The following SPTA1 variants were observed in gnomAD, a reference collection of about 807,000 sequenced individuals.
SPTA1 encodes spectrin alpha chain, erythrocytic 1.
A neutral mutation model predicts 324.7 loss-of-function variants in SPTA1; 177 were observed. The observed-to-expected ratio is 0.55, with a 90% confidence interval of 0.48 to 0.62. The LOEUF (loss-of-function observed/expected upper bound fraction) is 0.62. SPTA1 is among the 20% of genes least tolerant of loss of function. The pLI, the probability that SPTA1 is intolerant of heterozygous loss-of-function variation, is 0.00. For missense variants in SPTA1, 3,162 were observed against 2,883.6 expected, an observed-to-expected ratio of 1.10 and a Z score of -2.21; for synonymous variants, 1,195 against 1,041.3, an observed-to-expected ratio of 1.15 and a Z score of -2.84.
chr1:158,686,706 T>C lies in SPTA1; in HGVS notation c.-189A>G. 1.9e-6 allele frequency: 1 copy of C among 532,144 alleles called. No homozygotes were observed. Among genetic ancestry groups the C allele is most frequent in the Non-Finnish European group, 3.4e-6 (1 of 298,042 alleles). The allele number at this position is 532,144 out of a possible 1,614,324, so 33.0% of individuals were successfully genotyped here. A position where few individuals can be genotyped will look rare whatever the true frequency, so the allele number is the denominator to read the frequency against. On this transcript the variant is annotated 5_prime_UTR_variant, in exon 1 of 52. Coordinates refer to ENST00000643759, the MANE Select transcript of SPTA1 (RefSeq NM_003126.4). ...AGCCATACACAATCGACATTATCTT[T>C]AGAAGACATACTCAGCTGAGGCAAC...
At chr1:158,622,876 A>G (rs1428258424) in intron 43 of SPTA1, 107 bp downstream of exon 43, 2 of 1,031,434 alleles carry the variant, frequency 1.9e-6, no homozygotes, top group Non-Finnish European at 3.1e-6. Flanking sequence ...TCAATGCAAT[A>G]AAAGGTTTTT....
intron 39 of SPTA1, among the ~76,000 whole-genome samples, chr1:158,633,916 TC>T (rs2101800694): frequency 6.6e-6 from 1 of 152,322 alleles, no homozygotes; most frequent in African/African-American, 2.4e-5. Flanking sequence ...TACAAAGAGT[TC>T]TTGGTAAATT....
At chr1:158,653,224 GA>G in intron 22 of SPTA1, 49 bp downstream of exon 22, 1 of 1,613,368 alleles carries the variant, frequency 6.2e-7, no homozygotes, top group African/African-American at 1.3e-5. Flanking sequence ...TGCCTTTGGC[GA>G]AAAATGTCTG....
intron 5 of SPTA1, among the ~76,000 whole-genome samples, chr1:158,679,736 T>A (rs1654661153): frequency 6.6e-6 from 1 of 152,118 alleles, no homozygotes; most frequent in Non-Finnish European, 1.5e-5. Flanking sequence ...CACAGAGTCA[T>A]TAACAAGTAA....
At chr1:158,668,159 G>A (rs1394490714) in intron 14 of SPTA1, 97 bp from the exon 15 acceptor site, 8 of 1,314,804 alleles carry the variant, frequency 6.1e-6, no homozygotes, top group Admixed American at 5.6e-5. Context: ...TAAATCTAAC[G>A]AACGATGCTA....
At position 158,632,009 on chromosome 1, in the gene SPTA1, C is replaced by T. The variant is rs183163941; in HGVS notation, c.5565+2534G>A. On this transcript the variant is annotated intron_variant, in intron 39 of 51. Coordinates refer to ENST00000643759, the MANE Select transcript of SPTA1 (RefSeq NM_003126.4). ...ATTAGCATCCATATGTTCATTGCAG[C>T]ATTATTAACAATAGCCAAGATATGG... Among the ~76,000 whole-genome samples, 249 of 152,206 alleles carry T rather than the reference C, an allele frequency of 1.6e-3. 1 individual carries two copies. Among genetic ancestry groups the T allele is most frequent in the African/African-American group, 5.4e-3 (226 of 41,546 alleles).
intron 17 of SPTA1, 33 bp from the exon 18 acceptor site, chr1:158,661,442 T>C (rs1204590839): frequency 6.2e-7 from 1 of 1,613,462 alleles, no homozygotes; most frequent in Admixed American, 1.7e-5. Context: ...AGTTTCGGAT[T>C]ATCCTGGTGT....
chr1:158,624,681 G>A (rs1650152964), intron 42 of SPTA1, among the ~76,000 whole-genome samples: 2 of 152,192 alleles, frequency 1.3e-5, no homozygotes, highest in South Asian at 4.1e-4. Flanking sequence ...CAGGATTTGA[G>A]GGGCTATAAT....
intron 5 of SPTA1, among the ~76,000 whole-genome samples, 177 bp downstream of exon 5, chr1:158,680,406 G>A (rs879251674): frequency 6.6e-6 from 1 of 152,048 alleles, no homozygotes; most frequent in Non-Finnish European, 1.5e-5. Flanking sequence ...CAATAGACTT[G>A]TAAGGGGTGG....
At chr1:158,673,345 G>A (rs1397615850) in intron 10 of SPTA1, among the ~76,000 whole-genome samples, 2 of 152,166 alleles carry the variant, frequency 1.3e-5, no homozygotes, top group Non-Finnish European at 2.9e-5. Context: ...GATGCAAAGA[G>A]GCATGCGGAT....
intron 39 of SPTA1, among the ~76,000 whole-genome samples, chr1:158,630,284 G>A (rs1650584177): frequency 6.6e-6 from 1 of 151,938 alleles, no homozygotes; most frequent in South Asian, 2.1e-4. Flanking sequence ...GTATGGTACT[G>A]GCATAAAAAC....
chr1:158,635,227 A>C (rs1441631517), intron 38 of SPTA1, among the ~76,000 whole-genome samples: 1 of 152,180 alleles, frequency 6.6e-6, no homozygotes, highest in East Asian at 1.9e-4. Flanking sequence ...TGATTGGATC[A>C]TGGGAGCAGA....
rs376908088 is a variant in SPTA1 at position 158,638,202 on chromosome 1, G to A, written c.5020C>T (p.Leu1674Phe). Reference sequence around the variant, plus strand: ...TCAACGTTGAAAGTCCCGCTGGAGAGCAAATCTTCAGCCAATGTATTCAGG... The same window carrying A: ...TCAACGTTGAAAGTCCCGCTGGAGAACAAATCTTCAGCCAATGTATTCAGG... The part of the protein sequence containing the change: ...KDLNTLAEDL[L>F]SSGTFNVDQI... The change falls in exon 36 of 52, where the codon CTC becomes TTC. Residue 1674 changes from leucine (L) to phenylalanine (F), a missense_variant. Physicochemically the swap from Leu to Phe is conservative, Grantham distance 22 (BLOSUM62 0). Coordinates refer to ENST00000643759, the MANE Select transcript of SPTA1 (RefSeq NM_003126.4). The A allele has an allele frequency of 7.4e-6, 12 of 1,613,444 alleles. No homozygotes were observed. The African/African-American group carries it at 1.5e-4, about 20-fold the overall frequency.
chr1:158,650,124 A>G (rs1434013153), intron 24 of SPTA1, among the ~76,000 whole-genome samples, 177 bp from the exon 25 acceptor site: 1 of 152,238 alleles, frequency 6.6e-6, no homozygotes, highest in Admixed American at 6.5e-5. Flanking sequence ...TTGCCAGTGC[A>G]GCAGAGAAAG....
At chr1:158,678,061 C>T (rs1461553385) in intron 6 of SPTA1, among the ~76,000 whole-genome samples, 1 of 152,102 alleles carries the variant, frequency 6.6e-6, no homozygotes, top group Non-Finnish European at 1.5e-5. Context: ...AGATATGTTC[C>T]ATATCTGGGT....
intron 40 of SPTA1, among the ~76,000 whole-genome samples, chr1:158,627,358 T>C (rs1650349336): frequency 1.3e-5 from 2 of 152,314 alleles, no homozygotes; most frequent in South Asian, 2.1e-4. Flanking sequence ...ATAAACACCA[T>C]GCTCTGTATA....
Position 158,636,738 on chromosome 1 carries a change from G to A in SPTA1, c.5213C>T (p.Ser1738Phe). ...WIEEKLIRVS[S>F]QDYGRDLQGV... The stretch of plus-strand genomic sequence containing the variant: ...CTGAAGATCTCTCCCATAGTCCTGG[G>A]AGCTCACTCGTATCAACTTCTCCCT... The change falls in exon 37 of 52, where the codon TCC becomes TTC. Residue 1738 changes from serine (S) to phenylalanine (F), a missense_variant. Coordinates refer to ENST00000643759, the MANE Select transcript of SPTA1 (RefSeq NM_003126.4). 1 of 1,614,090 alleles carries A rather than the reference G, an allele frequency of 6.2e-7. No homozygotes were observed. The highest frequency in any genetic ancestry group is 8.5e-7 in the Non-Finnish European group (1 of 1,180,004).
At chr1:158,686,420 A>G in intron 1 of SPTA1, 74 bp downstream of exon 1, 1 of 1,044,698 alleles carries the variant, frequency 9.6e-7, no homozygotes, top group Non-Finnish European at 1.5e-6. Flanking sequence ...GAAAGATAGT[A>G]TAGAAAGTTT....
chr1:158,642,982 G>T lies in SPTA1; in HGVS notation c.4443-6C>A, dbSNP rs567397506. ...GTGCTTTGAGAGCCTTCCACCTAGAGGACGGAGCCAAATCACTCTATGCCC... is the reference window on the plus strand; with the variant it reads ...GTGCTTTGAGAGCCTTCCACCTAGATGACGGAGCCAAATCACTCTATGCCC... On this transcript the variant is annotated splice_region_variant and splice_polypyrimidine_tract_variant and intron_variant, in intron 31 of 51. Transcript: ENST00000643759. The T allele has an allele frequency of 6.2e-7, 1 of 1,613,406 alleles. No homozygotes were observed. The highest frequency in any genetic ancestry group is 1.1e-5 in the South Asian group (1 of 91,042).
Sources: allele counts gnomAD v4.1 joint callset (sites outside exome capture counted in the v4.1 genomes callset), GRCh38; gene constraint gnomAD v4.1.1; transcripts MANE v1.5; gene names NCBI Gene and HGNC (gene_info 2026-07-23, HGNC 2026-07-21).